ARAP1: variants seen among roughly 807,000 people sequenced by gnomAD.
The protein encoded by ARAP1 is arf-GAP with Rho-GAP domain, ANK repeat and PH domain-containing protein 1.
In ARAP1, 76 loss-of-function variants were observed where a neutral mutation model predicts 172.2. The observed-to-expected ratio is 0.44, with a 90% CI of 0.37 to 0.53. The LOEUF (loss-of-function observed/expected upper bound fraction) is 0.53. ARAP1 is among the 20% of genes least tolerant of loss of function. The pLI is 0.00. For synonymous variants in ARAP1, 804 were observed against 803.3 expected (o/e 1.00, Z -0.01); for missense variants, 1,686 against 1,977.5 (o/e 0.85, Z 2.80).
chr11:72,716,617 G>GCCAC (rs1857284699), intron 3 of ARAP1, among the ~76,000 whole-genome samples: 1 of 152,272 alleles, frequency 6.6e-6, no homozygotes, highest in South Asian at 2.1e-4. Flanking sequence ...GGGAGTTGAA[G>GCCAC]CCACACCTGT....
chr11:72,701,272 T>A (rs913740528), intron 16 of ARAP1, among the ~76,000 whole-genome samples: 9 of 152,060 alleles, frequency 5.9e-5, no homozygotes, highest in African/African-American at 2.2e-4. Flanking sequence ...CGGGCTCTTG[T>A]GGATTTTCTT....
chr11:72,695,593 C>T lies in ARAP1; in HGVS notation c.3456G>A (p.Glu1152=). Residue 1152 remains glutamate, a synonymous_variant, in exon 25 of 35, where the codon GAG becomes GAA. Transcript: ENST00000393609. This position sits in a 1 kb window ranked among gnomAD's most constrained non-coding sequence, Gnocchi z 4.4. ...DEEELRKQRE[E]ITAIVKMRVA... ...CGCGCATCTTCACAATGGCAGTGATCTCCTCCCGCTGCTTCCTGAGCTCTT... is the reference window on the plus strand; with the variant it reads ...CGCGCATCTTCACAATGGCAGTGATTTCCTCCCGCTGCTTCCTGAGCTCTT... The T allele has an allele frequency of 6.2e-7, 1 of 1,614,118 alleles. No homozygotes were observed. Among genetic ancestry groups the T allele is most frequent in the Non-Finnish European group, 8.5e-7 (1 of 1,180,032 alleles).
At position 72,707,261 on chromosome 11, in the gene ARAP1, G is replaced by A. The variant is rs200795098; in HGVS notation, c.1637C>T (p.Pro546Leu). Residue 546 changes from proline to leucine, a missense_variant, in exon 12 of 35, where the codon CCC (proline) becomes CTC (leucine). By Grantham distance (98) the Pro-to-Leu change is moderately conservative. This residue lies in a region of ARAP1 where 688 missense variants were observed against 856.9 expected (regional missense o/e 0.80). Transcript: ENST00000393609. ...CCCGCAGTCAGCACAGAACCTGTTG[G>A]GGGCTGCAGCCCAGATGCGCTCGGC... ...EVAERIWAAA[P>L]NRFCADCGAP... The A allele has an allele frequency of 1.2e-6, 2 of 1,612,952 alleles. No homozygotes were observed. Among genetic ancestry groups the A allele is most frequent in the South Asian group, 1.1e-5 (1 of 90,802 alleles).
intron 1 of ARAP1, among the ~76,000 whole-genome samples, chr11:72,735,931 T>C (rs533262523): frequency 6.6e-6 from 1 of 152,274 alleles, no homozygotes; most frequent in South Asian, 2.1e-4. Context: ...AGGGATCAGA[T>C]ACCATCAACC....
intron 2 of ARAP1, among the ~76,000 whole-genome samples, chr11:72,730,211 A>C (rs1857820793): frequency 6.6e-6 from 1 of 152,246 alleles, no homozygotes; most frequent in African/African-American, 2.4e-5. Context: ...TGAATGAAAA[A>C]ATTTACAAAA....
intron 1 of ARAP1, among the ~76,000 whole-genome samples, chr11:72,746,735 G>C (rs1445359184): frequency 1.3e-5 from 2 of 152,024 alleles, no homozygotes; most frequent in Non-Finnish European, 2.9e-5. Context: ...ACAACTGGGG[G>C]CTGGTAAGCC....
At chr11:72,717,510 C>T (rs549722861) in intron 3 of ARAP1, among the ~76,000 whole-genome samples, 1 of 152,338 alleles carries the variant, frequency 6.6e-6, no homozygotes, top group East Asian at 1.9e-4. Context: ...ATCAGCCCCC[C>T]TCCTCTGGCA....
intron 1 of ARAP1, among the ~76,000 whole-genome samples, chr11:72,746,682 C>T (rs1397420017): frequency 6.6e-6 from 1 of 152,084 alleles, no homozygotes; most frequent in Non-Finnish European, 1.5e-5. Context: ...CCCCCTCCCC[C>T]TCTCACCTGC....
chr11:72,732,233 G>A (rs1206434835), intron 2 of ARAP1, among the ~76,000 whole-genome samples: 4 of 152,166 alleles, frequency 2.6e-5, no homozygotes, highest in Non-Finnish European at 4.4e-5. Flanking sequence ...GGCAGGGAGG[G>A]GAATCCAGTG....
rs1046789472 is a variant in ARAP1, at chr11:72,702,975, C to T, written c.2097G>A (p.Thr699=). 6 of 1,565,914 alleles carry T rather than the reference C, an allele frequency of 3.8e-6. No homozygotes were observed. The highest frequency in any genetic ancestry group is 2.4e-5 in the East Asian group (1 of 42,260). The change falls in exon 15 of 35, where the codon ACG becomes ACA. Residue 699 remains threonine, a synonymous_variant. Transcript: ENST00000393609. ...NCFSGDPEAP[T]PLALAEQAGQ... ...CCGCCTGCTCTGCAAGAGCCAGGGG[C>T]GTGGGGGCCTCAGGGTCCCCCGAGA... is the stretch of plus-strand genomic sequence containing the variant.
intron 22 of ARAP1, 94 bp downstream of exon 22, chr11:72,696,889 G>C (rs1318477891): frequency 1.5e-6 from 2 of 1,332,084 alleles, no homozygotes; most frequent in Non-Finnish European, 2.0e-6. Flanking sequence ...TGTGGGTTAG[G>C]GTAAGCCTAG....
rs899103073 is a variant in ARAP1 at position 72,721,103 on chromosome 11, G to A, written c.509+5517C>T. The stretch of plus-strand genomic sequence containing the variant: ...CTGGCCTGGCCTGGCAGAAAGAGCA[G>A]GTGCAGTTATCCGCTGGGCCCTATG... On this transcript the variant is annotated intron_variant, in intron 3 of 34. Transcript: ENST00000393609. 3.3e-5 allele frequency among the ~76,000 whole-genome samples: 5 copies of A among 152,300 alleles called. No individual in the cohort carries two copies. The East Asian group carries it at 9.7e-4, about 29-fold the overall frequency.
intron 3 of ARAP1, among the ~76,000 whole-genome samples, chr11:72,718,623 G>A (rs1202753467): frequency 2.0e-5 from 3 of 152,004 alleles, no homozygotes; most frequent in African/African-American, 4.8e-5. Context: ...CTCTACCCAA[G>A]GGGCATGTGA....
chr11:72,722,599 G>T (rs1241951150), intron 3 of ARAP1, among the ~76,000 whole-genome samples: 1 of 152,216 alleles, frequency 6.6e-6, no homozygotes, highest in Non-Finnish European at 1.5e-5. Context: ...GGCAACAAGT[G>T]ATCAGCCTCC....
intron 3 of ARAP1, among the ~76,000 whole-genome samples, chr11:72,717,103 G>A (rs73541184): frequency 0.25 from 38,565 of 152,110 alleles, 5,182 homozygotes; most frequent in Middle Eastern, 0.31. Flanking sequence ...GGAAGGCAAC[G>A]GAAGGGGTGA....
chr11:72,721,478 T>C (rs897236634), intron 3 of ARAP1, among the ~76,000 whole-genome samples: 1 of 129,288 alleles, frequency 7.7e-6, no homozygotes, highest in African/African-American at 2.9e-5. Context: ...AGAAGTAAGG[T>C]GATCAGCACC....
chr11:72,686,161 A>G lies in ARAP1; in HGVS notation c.4216T>C (p.Ser1406Pro). Residue 1406 changes from serine to proline, a missense_variant, in exon 34 of 35, where the codon TCA (serine) becomes CCA (proline). Transcript: ENST00000393609. ...TCAGGCACTGCCCGGGACACGCGTG[A>G]GGGCTCTGAGGGCCACACCAGGCCG... ...HDGLVWPSEP[S>P]RVSRAVPEVR... 1 of 1,613,640 alleles carries G rather than the reference A, an allele frequency of 6.2e-7. No homozygotes were observed.
In ARAP1 at chr11:72,697,016, G is replaced by T; in HGVS notation, c.3133C>A (p.Arg1045Ser). The T allele has an allele frequency of 6.2e-7, 1 of 1,608,808 alleles. No individual in the cohort carries two copies. ...LRDLPDGLFT[R>S]AQRLTWLEAS... The stretch of plus-strand genomic sequence containing the variant: ...TCCAGCCAGGTTAGGCGCTGGGCGC[G>T]AGTGAAGAGCCCATCAGGCAGGTCG... The change falls in exon 22 of 35, where the codon CGC becomes AGC. Residue 1045 changes from arginine to serine, a missense_variant. Around this residue, in one of 5 missense-constraint regions of ARAP1, gnomAD observed 274 missense variants for 262.7 expected, o/e 1.04. Transcript: ENST00000393609.
chr11:72,701,412 TA>T (rs1221929639), intron 16 of ARAP1, among the ~76,000 whole-genome samples: 5 of 152,218 alleles, frequency 3.3e-5, no homozygotes, highest in Admixed American at 3.3e-4. Flanking sequence ...AGGGGCTCAA[TA>T]AAGGCTCATT....
Sources: allele counts gnomAD v4.1 joint callset (sites outside exome capture counted in the v4.1 genomes callset), GRCh38; gene constraint gnomAD v4.1.1; regional missense constraint gnomAD v4.1.1; non-coding constraint Gnocchi (gnomAD v3.1); transcripts MANE v1.5; gene names NCBI Gene and HGNC (gene_info 2026-07-23, HGNC 2026-07-21).